The following TRIM29 variants were observed in gnomAD, a reference collection of about 807,000 sequenced individuals.
TRIM29 encodes the protein tripartite motif-containing protein 29.
TRIM29 carries 52 observed loss-of-function variants against 57.3 expected under a neutral mutation model. That is an observed-to-expected ratio of 0.91 (90% CI 0.73 to 1.14). TRIM29 has a LOEUF of 1.14. TRIM29 is among the 50% of genes most tolerant of loss of function. The probability of loss-of-function intolerance (pLI) is 0.00; values close to 1 mark genes in which losing one functional copy is unlikely to be tolerated. For missense variants in TRIM29, 753 were observed against 774.6 expected, an observed-to-expected ratio of 0.97 and a Z score of 0.33; for synonymous variants, 319 against 316.9, an observed-to-expected ratio of 1.01 and a Z score of -0.07.
At chr11:120,125,550 A>G in intron 4 of TRIM29, 141 bp downstream of exon 4, 1 of 814,036 alleles carries the variant, frequency 1.2e-6, no homozygotes, top group African/African-American at 2.4e-5. Context: ...ATCCTAGTCC[A>G]AACGGCCTGA....
At position 120,118,335 on chromosome 11, in the gene TRIM29, G is replaced by T; in HGVS notation, c.1529-14C>A. The T allele has an allele frequency of 6.2e-7, 1 of 1,603,878 alleles. No homozygotes were observed. On this transcript the variant is annotated splice_polypyrimidine_tract_variant and intron_variant, in intron 6 of 8. Transcript: ENST00000341846. ...AGGTGTAGTTACCTGGCAGGACAAA[G>T]AAGGGCTGTCAGGCCCCCACAGCTG...
At chr11:120,113,569 C>T (rs762796926) in intron 8 of TRIM29, 11 of 454,652 alleles carry the variant, frequency 2.4e-5, no homozygotes, top group Non-Finnish European at 4.4e-5. Context: ...CCCTGTCTCT[C>T]AGGGAACTGA....
At chr11:120,121,038 C>A (rs1344672946) in intron 5 of TRIM29, 2 of 370,910 alleles carry the variant, frequency 5.4e-6, no homozygotes, top group African/African-American at 4.2e-5. Flanking sequence ...AGCCTCACTT[C>A]ACAAGTGCTT....
intron 3 of TRIM29, 48 bp from the exon 4 acceptor site, chr11:120,125,937 A>G (rs1863580683): frequency 6.3e-7 from 1 of 1,582,830 alleles, no homozygotes; most frequent in Admixed American, 1.7e-5. Flanking sequence ...TTCATGAGCT[A>G]TGAGGACGCT....
At position 120,135,402 on chromosome 11, in the gene TRIM29, G is replaced by A. The variant is rs543148001; in HGVS notation, c.804+1826C>T. On this transcript the variant is annotated intron_variant, in intron 1 of 8. Transcript: ENST00000341846. ...ACCCCTTGGGAGAATGAGACTGAGC[G>A]TGGAAAGGACTTATTCACAGCCTTA... 3.3e-5 allele frequency among the ~76,000 whole-genome samples: 5 copies of A among 152,250 alleles called. No homozygotes were observed. The South Asian group carries it at 8.3e-4, about 25-fold the overall frequency.
At chr11:120,113,853 G>A (rs979220234) in intron 8 of TRIM29, among the ~76,000 whole-genome samples, 1 of 152,150 alleles carries the variant, frequency 6.6e-6, no homozygotes, top group African/African-American at 2.4e-5. Flanking sequence ...TGGGTTGCAG[G>A]TCAATGAATG....
chr11:120,115,514 G>T, intron 7 of TRIM29, 100 bp from the exon 8 acceptor site: 2 of 1,005,860 alleles, frequency 2.0e-6, no homozygotes, highest in Non-Finnish European at 3.0e-6. Flanking sequence ...TGACCACCAA[G>T]CATCATCCAG....
intron 7 of TRIM29, chr11:120,117,012 G>A (rs1188503820): frequency 2.2e-6 from 1 of 448,110 alleles, no homozygotes; most frequent in Admixed American, 2.5e-5. Flanking sequence ...AAACTCTGCA[G>A]TGGCCTGTCC....
Position 120,120,609 on chromosome 11 carries a change from T to G in TRIM29, c.1492A>C (p.Thr498Pro), listed in dbSNP as rs768204569. The G allele has an allele frequency of 9.9e-6, 16 of 1,613,766 alleles. No homozygotes were observed. Among genetic ancestry groups the G allele is most frequent in the Non-Finnish European group, 1.2e-5 (14 of 1,180,002 alleles). ...TAGAGATTGTTGAAATTCTTCTGGG[T>G]GGTCTCCTTGGTGAAGCGGCCAGGA... ...SSPGRFTKET[T>P]QKNFNNLYGT... The change falls in exon 6 of 9, where the codon ACC (threonine) becomes CCC (proline). Residue 498 changes from threonine to proline, a missense_variant. Thr to Pro is a conservative substitution (Grantham distance 38, BLOSUM62 -1). Transcript: ENST00000341846.
At chr11:120,130,895 C>T (rs543316587) in intron 1 of TRIM29, among the ~76,000 whole-genome samples, 18 of 152,168 alleles carry the variant, frequency 1.2e-4, no homozygotes, top group African/African-American at 3.9e-4. Flanking sequence ...GGATAGTGTA[C>T]GCTGTCAGAT....
In TRIM29 at chr11:120,137,395, G is replaced by C; in HGVS notation, c.637C>G (p.Leu213Val). The C allele has an allele frequency of 6.2e-7, 1 of 1,612,752 alleles. No individual in the cohort carries two copies. Among genetic ancestry groups the C allele is most frequent in the Non-Finnish European group, 8.5e-7 (1 of 1,180,022 alleles). The change falls in exon 1 of 9, where the codon CTG becomes GTG. Residue 213 changes from leucine (L) to valine (V), a missense_variant. By Grantham distance (32) the Leu-to-Val change is conservative (BLOSUM62 1). Transcript: ENST00000341846. This position sits in a 1 kb window ranked among gnomAD's most constrained non-coding sequence, Gnocchi z 6.2. ...LEGAAFRDHQ[L>V]LEPIRDFEAR... The stretch of plus-strand genomic sequence containing the variant: ...TCAAAGTCCCGGATGGGCTCGAGCA[G>C]CTGGTGGTCTCGGAAGGCGGCGCCC...
chr11:120,130,160 CCT>C (rs1368375187), intron 1 of TRIM29, among the ~76,000 whole-genome samples: 1 of 152,106 alleles, frequency 6.6e-6, no homozygotes, highest in East Asian at 1.9e-4. Context: ...GCCCCAAAGG[CCT>C]CTTAGGAGGC....
At chr11:120,136,105 A>G (rs1041917194) in intron 1 of TRIM29, among the ~76,000 whole-genome samples, 2 of 152,344 alleles carry the variant, frequency 1.3e-5, no homozygotes, top group African/African-American at 4.8e-5. Context: ...TACGTATCAC[A>G]TATATGAATA....
intron 8 of TRIM29, 138 bp downstream of exon 8, chr11:120,115,200 A>T: frequency 2.5e-6 from 2 of 811,986 alleles, no homozygotes; most frequent in East Asian, 2.6e-5. Context: ...TATTCAGGCC[A>T]CTGCTGCCTC....
chr11:120,126,575 C>T (rs1364739110), intron 3 of TRIM29, among the ~76,000 whole-genome samples: 1 of 152,186 alleles, frequency 6.6e-6, no homozygotes, highest in East Asian at 1.9e-4. Flanking sequence ...ACACGCCATG[C>T]TCAGTGCTGC....
intron 5 of TRIM29, chr11:120,122,136 G>GTGTGTA (rs1477544092): frequency 3.9e-6 from 1 of 254,762 alleles, no homozygotes; most frequent in Non-Finnish European, 7.8e-6. Context: ...GTGTGAGTGT[G>GTGTGTA]TGTGTGTGTG....
intron 5 of TRIM29, among the ~76,000 whole-genome samples, chr11:120,121,060 C>T (rs751638179): frequency 1.3e-5 from 2 of 152,176 alleles, no homozygotes; most frequent in East Asian, 1.9e-4. Context: ...CCTTCCCGCA[C>T]ACCTGGGCTC....
At chr11:120,117,797 G>A (rs933308387) in intron 7 of TRIM29, 4 of 197,592 alleles carry the variant, frequency 2.0e-5, no homozygotes, top group African/African-American at 7.2e-5. Flanking sequence ...CCAAAGGGGC[G>A]CCTGCAGGAT....
intron 6 of TRIM29, among the ~76,000 whole-genome samples, chr11:120,119,380 G>T (rs990864307): frequency 1.3e-5 from 2 of 152,196 alleles, no homozygotes; most frequent in Non-Finnish European, 1.5e-5. Context: ...AGGGGTCACA[G>T]ATGGCTGGGG....
Sources: allele counts gnomAD v4.1 joint callset (sites outside exome capture counted in the v4.1 genomes callset), GRCh38; gene constraint gnomAD v4.1.1; non-coding constraint Gnocchi (gnomAD v3.1); transcripts MANE v1.5; gene names NCBI Gene and HGNC (gene_info 2026-07-23, HGNC 2026-07-21).